Variants in GMPR observed in about 807,000 individuals in gnomAD.
The protein encoded by GMPR is GMP reductase 1.
GMPR carries 31 observed loss-of-function variants against 38.4 expected under a neutral mutation model. The observed-to-expected ratio is 0.81, with a 90% confidence interval of 0.61 to 1.09. The LOEUF (loss-of-function observed/expected upper bound fraction) is 1.09. GMPR is among the 50% of genes least tolerant of loss of function. The probability of loss-of-function intolerance (pLI) is 0.00; values close to 1 mark genes in which losing one functional copy is unlikely to be tolerated. For synonymous variants in GMPR, 162 were observed against 173.3 expected (o/e 0.93, Z 0.51); for missense variants, 468 against 453.7 (o/e 1.03, Z -0.29).
chr6:16,269,165 A>G (rs1253184519), intron 4 of GMPR, among the ~76,000 whole-genome samples: 1 of 152,132 alleles, frequency 6.6e-6, no homozygotes, highest in East Asian at 1.9e-4. Flanking sequence ...ATAAAGCACC[A>G]CCAAGAGCTG....
chr6:16,278,885 A>G lies in GMPR; in HGVS notation c.649A>G (p.Ile217Val), dbSNP rs1266755991. ...TGCCCATGGCCTGAAGGGCCACATC[A>G]TCTCTGTGAGTCTCCACCCGGGGCT... is the stretch of plus-strand genomic sequence containing the variant. ...DSAHGLKGHI[I>V]SDGGCTCPGD... is the part of the protein sequence containing the mutation. The change falls in exon 6 of 9, where the codon ATC becomes GTC. Residue 217 changes from isoleucine to valine, a missense_variant. Transcript: ENST00000259727. The G allele has an allele frequency of 5.6e-6, 9 of 1,599,984 alleles. No individual in the cohort carries two copies. The East Asian group carries it at 1.6e-4, about 28-fold the overall frequency.
chr6:16,295,151 C>T lies in GMPR; in HGVS notation c.1003C>T (p.Arg335Trp), dbSNP rs778659152. ...GCTCAGCAGGAGGGCAACATTCATC[C>T]GGGTGACCCAGCAGCACAACACCGT... ...KELSRRATFI[R>W]VTQQHNTVFS The change falls in exon 9 of 9, where the codon CGG (arginine) becomes TGG (tryptophan). Residue 335 changes from arginine to tryptophan, a missense_variant. Transcript: ENST00000259727. 1.0e-5 allele frequency: 16 copies of T among 1,554,504 alleles called. No individual in the cohort carries two copies. Among genetic ancestry groups the T allele is most frequent in the South Asian group, 7.2e-5 (6 of 82,958 alleles).
chr6:16,291,069 CA>C (rs1759833235), intron 8 of GMPR, among the ~76,000 whole-genome samples: 2 of 152,234 alleles, frequency 1.3e-5, no homozygotes, highest in South Asian at 4.2e-4. Flanking sequence ...GCACGGTGGC[CA>C]GGCCTTTCCT....
chr6:16,291,855 G>A (rs1021946334), intron 8 of GMPR, among the ~76,000 whole-genome samples: 3 of 151,196 alleles, frequency 2.0e-5, no homozygotes, highest in Non-Finnish European at 2.9e-5. Flanking sequence ...AGGCTGCAGT[G>A]AGCTATGATC....
At chr6:16,271,776 T>A (rs1472231401) in intron 4 of GMPR, among the ~76,000 whole-genome samples, 1 of 152,224 alleles carries the variant, frequency 6.6e-6, no homozygotes, top group African/African-American at 2.4e-5. Flanking sequence ...AGTTTGATCA[T>A]CTCTTCACCT....
At chr6:16,267,271 C>CT (rs1759270865) in intron 4 of GMPR, among the ~76,000 whole-genome samples, 2 of 152,048 alleles carry the variant, frequency 1.3e-5, no homozygotes, top group South Asian at 4.1e-4. Context: ...ACTCGGGAGG[C>CT]TGAGGCAGGA....
intron 1 of GMPR, among the ~76,000 whole-genome samples, chr6:16,244,520 T>G (rs776341602): frequency 6.6e-6 from 1 of 152,162 alleles, no homozygotes; most frequent in Non-Finnish European, 1.5e-5. Context: ...CCATTTGCAC[T>G]TTTGAGCCCC....
chr6:16,251,857 T>TA lies in GMPR; in HGVS notation c.291+1499dup, dbSNP rs199998627. Among the ~76,000 whole-genome samples the TA allele has an allele frequency of 5.4e-3, 810 of 150,966 alleles. 7 individuals carry two copies. Among genetic ancestry groups the TA allele is most frequent in the African/African-American group, 0.019 (765 of 41,278 alleles). On this transcript the variant is annotated intron_variant, in intron 3 of 8. Coordinates refer to ENST00000259727, the MANE Select transcript of GMPR (RefSeq NM_006877.4). ...ATGTCATTATATTTCAAGAAGCCAT[T>TA]AAAAAAAAACAACAGAAAGCCTTGC...
intron 4 of GMPR, among the ~76,000 whole-genome samples, chr6:16,256,163 C>A: frequency 6.6e-6 from 1 of 150,836 alleles, no homozygotes; most frequent in African/African-American, 2.4e-5. Context: ...TTGCAGTGAG[C>A]CGAGATCACA....
intron 4 of GMPR, among the ~76,000 whole-genome samples, chr6:16,268,321 T>G (rs1759309038): frequency 6.6e-6 from 1 of 152,142 alleles, no homozygotes; most frequent in South Asian, 2.1e-4. Flanking sequence ...ACTCCTCTTT[T>G]TTGTTGTTGT....
intron 7 of GMPR, among the ~76,000 whole-genome samples, chr6:16,288,604 C>CA (rs150391356): frequency 0.018 from 2,818 of 152,330 alleles, 73 homozygotes; most frequent in African/African-American, 0.058. Flanking sequence ...CTCCAAGGCC[C>CA]CCAGTCCCGT....
chr6:16,269,056 A>C (rs577195892), intron 4 of GMPR, among the ~76,000 whole-genome samples: 8 of 152,246 alleles, frequency 5.3e-5, no homozygotes, highest in African/African-American at 1.9e-4. Context: ...TACACCTAGT[A>C]AATTTTATGT....
chr6:16,241,709 C>T (rs114367218), intron 1 of GMPR, among the ~76,000 whole-genome samples: 2,384 of 152,266 alleles, frequency 0.016, 53 homozygotes, highest in African/African-American at 0.054. Context: ...CTCTAACATT[C>T]TACTCTAGTC....
At chr6:16,250,087 A>G (rs929921480) in intron 2 of GMPR, among the ~76,000 whole-genome samples, 197 bp from the exon 3 acceptor site, 10 of 152,214 alleles carry the variant, frequency 6.6e-5, no homozygotes, top group African/African-American at 2.4e-4. Flanking sequence ...CCAGATTAGA[A>G]TGGGAAACAG....
chr6:16,275,796 G>A (rs9477076), intron 5 of GMPR, among the ~76,000 whole-genome samples: 173 of 152,330 alleles, frequency 1.1e-3, no homozygotes, highest in African/African-American at 3.9e-3. Context: ...GGTGGCTCAC[G>A]CCTGGTCTCC....
chr6:16,265,843 G>A (rs914851072), intron 4 of GMPR, among the ~76,000 whole-genome samples: 2 of 152,234 alleles, frequency 1.3e-5, no homozygotes, highest in Non-Finnish European at 2.9e-5. Flanking sequence ...TTCTTCGTTC[G>A]CTTGCTGCTG....
chr6:16,268,702 G>A (rs951495776), intron 4 of GMPR, among the ~76,000 whole-genome samples: 3 of 152,126 alleles, frequency 2.0e-5, no homozygotes, highest in Non-Finnish European at 4.4e-5. Context: ...TCTTGCAAGA[G>A]GACCCCAGAA....
chr6:16,281,675 T>A, intron 6 of GMPR, among the ~76,000 whole-genome samples: 2 of 151,074 alleles, frequency 1.3e-5, no homozygotes, highest in African/African-American at 4.9e-5. Context: ...CAGCCCATTT[T>A]TTTTTTGTAT....
chr6:16,239,567 G>A (rs944254285), intron 1 of GMPR, among the ~76,000 whole-genome samples: 1 of 152,238 alleles, frequency 6.6e-6, no homozygotes, highest in African/African-American at 2.4e-5. Flanking sequence ...GGGGTGGTGT[G>A]CGCTGGTGAC....
Sources: gnomAD v4.1 joint callset for allele counts (sites outside exome capture counted in the v4.1 genomes callset) on GRCh38, gnomAD v4.1.1 for gene constraint, MANE v1.5 for transcripts, NCBI Gene and HGNC (gene_info 2026-07-23, HGNC 2026-07-21) for gene names.